EML6: variants seen among roughly 807,000 people sequenced by gnomAD.
EML6 encodes echinoderm microtubule-associated protein-like 6.
A neutral mutation model predicts 240.1 loss-of-function variants in EML6; 154 were observed. The ratio of observed to expected loss-of-function variants is 0.64; its 90% CI spans 0.56 to 0.73. EML6 has a LOEUF of 0.73. Among genes scored for constraint, EML6 ranks in the 30% least tolerant of loss-of-function variants. EML6 has a pLI of 0.00. For synonymous variants in EML6, 1,148 were observed against 899.0 expected (o/e 1.28, Z -4.95); for missense variants, 2,964 against 2,474.6 (o/e 1.20, Z -4.20).
chr2:54,738,338 C>CT (rs1558516523), intron 2 of EML6, among the ~76,000 whole-genome samples: 2 of 152,166 alleles, frequency 1.3e-5, no homozygotes, highest in South Asian at 4.1e-4. Flanking sequence ...AATAGGACTT[C>CT]TTTTTTGTAC....
At chr2:54,799,136 C>T (rs1385929711) in intron 2 of EML6, among the ~76,000 whole-genome samples, 1 of 152,242 alleles carries the variant, frequency 6.6e-6, no homozygotes, top group Non-Finnish European at 1.5e-5. Context: ...TCTCGGTTCA[C>T]TGCAACCTCT....
At chr2:54,878,711 T>C (rs946676141) in intron 16 of EML6, among the ~76,000 whole-genome samples, 44 of 152,162 alleles carry the variant, frequency 2.9e-4, no homozygotes, top group Admixed American at 1.2e-3. Flanking sequence ...CAATAAGCAG[T>C]TATACATAGG....
At chr2:54,784,427 T>C (rs1668987706) in intron 2 of EML6, among the ~76,000 whole-genome samples, 1 of 152,214 alleles carries the variant, frequency 6.6e-6, no homozygotes. Context: ...ATATGTATTT[T>C]CAAAAGTGTT....
In EML6 at chr2:54,895,306, C is replaced by A; in HGVS notation, c.2888C>A (p.Ala963Asp). The change falls in exon 21 of 42, where the codon GCC becomes GAC. Residue 963 changes from alanine (A) to aspartate (D), a missense_variant. Ala to Asp is a moderately radical substitution (Grantham distance 126). Transcript: ENST00000356458. ...TTGGAAGATAACCCTTCAATTCGTG[C>A]CATCACTTTGGGACATGGACATATC... ...LLLEDNPSIR[A>D]ITLGHGHILV... 6.4e-7 allele frequency: 1 copy of A among 1,551,782 alleles called. No homozygotes were observed. Among genetic ancestry groups the A allele is most frequent in the Non-Finnish European group, 8.7e-7 (1 of 1,146,902 alleles).
chr2:54,827,422 T>G (rs1572961195), intron 5 of EML6, 144 bp from the exon 6 acceptor site: 1 of 645,374 alleles, frequency 1.5e-6, no homozygotes, highest in Non-Finnish European at 2.6e-6. Context: ...TACATGTTGT[T>G]ATGTTACAGC....
intron 12 of EML6, among the ~76,000 whole-genome samples, chr2:54,861,211 A>G (rs1180269112): frequency 6.6e-6 from 1 of 152,164 alleles, no homozygotes; most frequent in African/African-American, 2.4e-5. Context: ...CCAGTGATAA[A>G]TCTAAGCCTA....
chr2:54,898,358 C>T (rs763227631), intron 21 of EML6, among the ~76,000 whole-genome samples: 27 of 152,144 alleles, frequency 1.8e-4, no homozygotes, highest in Non-Finnish European at 3.5e-4. Flanking sequence ...AACTAAAATA[C>T]ACAAAGGGGC....
chr2:54,786,615 AAC>A (rs962485416), intron 2 of EML6, among the ~76,000 whole-genome samples: 3 of 152,344 alleles, frequency 2.0e-5, no homozygotes, highest in South Asian at 4.1e-4. Context: ...TAGAACCCAC[AAC>A]ACACATTCCT....
intron 2 of EML6, among the ~76,000 whole-genome samples, chr2:54,766,578 T>C (rs1415998382): frequency 6.6e-6 from 1 of 152,160 alleles, no homozygotes; most frequent in Non-Finnish European, 1.5e-5. Context: ...TTTGGTCACT[T>C]GGTTTAGGGG....
intron 31 of EML6, among the ~76,000 whole-genome samples, chr2:54,952,903 C>G (rs1218552534): frequency 6.6e-6 from 1 of 152,104 alleles, no homozygotes; most frequent in African/African-American, 2.4e-5. Context: ...CTGACCAGCG[C>G]CTGAGAGTCC....
chr2:54,967,131 G>GA, intron 39 of EML6, 28 bp downstream of exon 39: 1 of 1,457,244 alleles, frequency 6.9e-7, no homozygotes, highest in South Asian at 1.2e-5. Context: ...AAAACTTGAG[G>GA]AAAAGGTCAC....
intron 2 of EML6, among the ~76,000 whole-genome samples, chr2:54,811,925 GCTAT>G (rs548433199): frequency 3.3e-5 from 5 of 152,244 alleles, no homozygotes; most frequent in African/African-American, 4.8e-5. Context: ...TTCTATATGG[GCTAT>G]CTTTTTGTAT....
chr2:54,797,164 CAAAAAAA>C (rs773498648), intron 2 of EML6, among the ~76,000 whole-genome samples: 6 of 43,818 alleles, frequency 1.4e-4, no homozygotes, highest in Middle Eastern at 0.011. Context: ...GACTCCATCT[CAAAAAAA>C]AAAAAAAAAA....
In EML6 at chr2:54,903,146, T is replaced by C; in HGVS notation, c.3227T>C (p.Val1076Ala). ...AATGCTGACACTGTTGAAGACATGG[T>C]CTCTTTCCATCACAGAAAAGAAATG... Reference protein sequence around the residue: ...VVNADTVEDMVSFHHRKEMIS... With the variant: ...VVNADTVEDMASFHHRKEMIS... Residue 1076 changes from valine to alanine, a missense_variant, in exon 23 of 42, where the codon GTC (valine) becomes GCC (alanine). Transcript: ENST00000356458. 1 of 1,551,962 alleles carries C rather than the reference T, an allele frequency of 6.4e-7. No homozygotes were observed. The highest frequency in any genetic ancestry group is 8.7e-7 in the Non-Finnish European group (1 of 1,146,976).
chr2:54,928,530 G>A lies in EML6; in HGVS notation c.3877+16G>A, dbSNP rs1674681915. Reference sequence around the variant, plus strand: ...GAGGATGGAGGTGAGCCCCCCACCTGCCACATGCCTCCTGCGCCGAATGCA... The same window carrying A: ...GAGGATGGAGGTGAGCCCCCCACCTACCACATGCCTCCTGCGCCGAATGCA... On this transcript the variant is annotated intron_variant, in intron 27 of 41. Transcript: ENST00000356458. 9.1e-6 allele frequency: 14 copies of A among 1,544,786 alleles called. No homozygotes were observed. The highest frequency in any genetic ancestry group is 2.0e-5 in the Admixed American group (1 of 50,802).
At chr2:54,751,580 C>T (rs72915547) in intron 2 of EML6, among the ~76,000 whole-genome samples, 2,711 of 152,238 alleles carry the variant, frequency 0.018, 93 homozygotes, top group African/African-American at 0.058. Context: ...CAGTAATACC[C>T]CGTCCCCTCA....
intron 2 of EML6, among the ~76,000 whole-genome samples, chr2:54,741,967 A>G (rs542661464): frequency 8.5e-5 from 13 of 152,328 alleles, no homozygotes; most frequent in African/African-American, 2.9e-4. Flanking sequence ...CCACCACCAG[A>G]TAGTTAATAT....
At chr2:54,873,956 CACTG>C (rs1255365821) in intron 16 of EML6, among the ~76,000 whole-genome samples, 5 of 151,646 alleles carry the variant, frequency 3.3e-5, no homozygotes. Flanking sequence ...TACCATCTAT[CACTG>C]ACTGCAAATG....
chr2:54,920,613 C>G (rs1041212535), intron 26 of EML6, among the ~76,000 whole-genome samples: 5 of 151,330 alleles, frequency 3.3e-5, no homozygotes, highest in Non-Finnish European at 5.9e-5. Flanking sequence ...TAAACTCTTT[C>G]AAAAAAAGAA....
Sources: allele counts gnomAD v4.1 joint callset (sites outside exome capture counted in the v4.1 genomes callset), GRCh38; gene constraint gnomAD v4.1.1; transcripts MANE v1.5; gene names NCBI Gene and HGNC (gene_info 2026-07-23, HGNC 2026-07-21).